Variants in KAZN observed in about 807,000 individuals in gnomAD.
The protein encoded by KAZN is kazrin, periplakin interacting protein, also known as kazrin.
In KAZN, 40 loss-of-function variants were observed where a neutral mutation model predicts 87.4. That is an observed-to-expected ratio of 0.46 (90% CI 0.36 to 0.60). KAZN has a LOEUF of 0.60. Ranked by LOEUF, KAZN falls within the 20% of genes least tolerant of loss-of-function variation. The probability of loss-of-function intolerance (pLI) is 0.00; values close to 1 mark genes in which losing one functional copy is unlikely to be tolerated. For missense variants in KAZN, 898 were observed against 1,073.9 expected (o/e 0.84, Z 2.29); for synonymous variants, 466 against 458.3 (o/e 1.02, Z -0.22).
At chr1:14,671,937 G>A (rs1639941923) in intron 1 of KAZN, among the ~76,000 whole-genome samples, 2 of 152,132 alleles carry the variant, frequency 1.3e-5, no homozygotes, top group Admixed American at 1.3e-4. Flanking sequence ...AGCCTCTGAG[G>A]CACCTTTGTG....
chr1:14,839,326 C>T (rs1482667595), intron 1 of KAZN, among the ~76,000 whole-genome samples: 2 of 152,138 alleles, frequency 1.3e-5, no homozygotes, highest in African/African-American at 4.8e-5. Context: ...TTTCCATGAG[C>T]TGGGTGTGAG....
chr1:14,191,588 C>A (rs575284928), intron 2 of KAZN, among the ~76,000 whole-genome samples: 1 of 152,222 alleles, frequency 6.6e-6, no homozygotes, highest in East Asian at 1.9e-4. Flanking sequence ...GTCTGGGAGT[C>A]ATCAGTGTCT....
At chr1:13,916,227 G>A (rs901399801) in intron 1 of KAZN, among the ~76,000 whole-genome samples, 16 of 152,282 alleles carry the variant, frequency 1.1e-4, no homozygotes, top group East Asian at 3.9e-4. Context: ...CACACCAGCC[G>A]CATATGAAGG....
intron 1 of KAZN, among the ~76,000 whole-genome samples, chr1:14,921,073 G>A (rs1050830540): frequency 5.3e-5 from 8 of 152,032 alleles, no homozygotes; most frequent in African/African-American, 1.9e-4. Flanking sequence ...GAGTAAGGGG[G>A]GCATGGGCAG....
At chr1:14,270,408 C>A (rs116600669) in intron 2 of KAZN, among the ~76,000 whole-genome samples, 3 of 152,308 alleles carry the variant, frequency 2.0e-5, no homozygotes, top group Non-Finnish European at 4.4e-5. Context: ...GAGCTGCATT[C>A]CCATCTTAGA....
intron 2 of KAZN, among the ~76,000 whole-genome samples, chr1:14,406,753 A>T (rs940344980): frequency 2.0e-5 from 3 of 152,240 alleles, no homozygotes; most frequent in Non-Finnish European, 4.4e-5. Context: ...ACCTTCTCAG[A>T]AACAGCCAGA....
chr1:14,676,169 A>G (rs1477568145), intron 1 of KAZN, among the ~76,000 whole-genome samples: 1 of 152,138 alleles, frequency 6.6e-6, no homozygotes, highest in Non-Finnish European at 1.5e-5. Context: ...GGATGCTGGC[A>G]TTGATCCACT....
At chr1:15,103,331 T>A in intron 11 of KAZN, 28 bp from the exon 12 acceptor site, 1 of 1,533,006 alleles carries the variant, frequency 6.5e-7, no homozygotes. Flanking sequence ...CCCTTGTCCC[T>A]CCGAATGACC....
chr1:14,309,881 T>TA (rs202171440), intron 2 of KAZN, among the ~76,000 whole-genome samples: 25,962 of 147,974 alleles, frequency 0.18, 2,637 homozygotes, highest in Non-Finnish European at 0.24. Context: ...TGATTTATAT[T>TA]AAAAAAAAAA....
At chr1:14,201,562 G>A (rs1450210434) in intron 2 of KAZN, among the ~76,000 whole-genome samples, 1 of 152,176 alleles carries the variant, frequency 6.6e-6, no homozygotes, top group African/African-American at 2.4e-5. Context: ...TTTGTGTATG[G>A]ACTCTGCAGA....
chr1:14,366,497 G>A (rs539213082), intron 2 of KAZN, among the ~76,000 whole-genome samples: 36 of 152,348 alleles, frequency 2.4e-4, no homozygotes, highest in Admixed American at 1.6e-3. Flanking sequence ...ACTGGAGGGC[G>A]GGCACTGGAG....
In KAZN at chr1:14,020,637, CT is replaced by C. The variant is rs376389837; in HGVS notation, c.91+126883del. Among the ~76,000 whole-genome samples the C allele has an allele frequency of 4.0e-4, 61 of 152,286 alleles. No individual in the cohort carries two copies. In the East Asian group the frequency reaches 0.012, roughly 29 times the overall value. The stretch of plus-strand genomic sequence containing the variant: ...TGCATGATAAGTGTCCAGTTTGTTT[CT>C]TAGGACGATCTGGGAAAGACAAGAT... On this transcript the variant is annotated intron_variant, in intron 1 of 16. Transcript: ENST00000636203.
chr1:14,505,677 G>C (rs1054322296), intron 2 of KAZN, among the ~76,000 whole-genome samples: 1 of 152,132 alleles, frequency 6.6e-6, no homozygotes, highest in African/African-American at 2.4e-5. Flanking sequence ...TTCAGTTTGA[G>C]ATGATGAAAA....
At chr1:13,925,761 C>A (rs1326927953) in intron 1 of KAZN, among the ~76,000 whole-genome samples, 2 of 152,180 alleles carry the variant, frequency 1.3e-5, no homozygotes, top group Admixed American at 1.3e-4. Context: ...GAAAATGGAC[C>A]ATAAGCACTA....
At chr1:15,095,320 C>T (rs569274218) in intron 10 of KAZN, among the ~76,000 whole-genome samples, 119 of 151,618 alleles carry the variant, frequency 7.8e-4, no homozygotes, top group South Asian at 3.1e-3. Flanking sequence ...TGAGGAAAAA[C>T]GGTGCAAGGC....
At chr1:14,851,398 C>G (rs1250467159) in intron 1 of KAZN, among the ~76,000 whole-genome samples, 1 of 152,254 alleles carries the variant, frequency 6.6e-6, no homozygotes, top group Non-Finnish European at 1.5e-5. Context: ...CAGCCTTCAG[C>G]TGCCCCACCG....
chr1:14,386,142 CT>C (rs1418187301), intron 2 of KAZN, among the ~76,000 whole-genome samples: 1 of 145,990 alleles, frequency 6.8e-6, no homozygotes, highest in Non-Finnish European at 1.5e-5. Context: ...CAACCCCTGC[CT>C]TTTTTTGTTT....
chr1:14,025,515 G>A (rs1456926756), intron 1 of KAZN, among the ~76,000 whole-genome samples: 1 of 152,042 alleles, frequency 6.6e-6, no homozygotes, highest in Non-Finnish European at 1.5e-5. Flanking sequence ...CTGCCAATCT[G>A]CTAAATCCAA....
chr1:15,079,770 G>A (rs1639912714), intron 8 of KAZN, among the ~76,000 whole-genome samples: 1 of 152,204 alleles, frequency 6.6e-6, no homozygotes, highest in Non-Finnish European at 1.5e-5. Flanking sequence ...GCCCAAGGAG[G>A]CCAGCAGCTG....
Sources: allele counts gnomAD v4.1 joint callset (sites outside exome capture counted in the v4.1 genomes callset), GRCh38; gene constraint gnomAD v4.1.1; transcripts MANE v1.5; gene names NCBI Gene and HGNC (gene_info 2026-07-23, HGNC 2026-07-21).